Variants in DLGAP1 observed in about 807,000 individuals in gnomAD.
DLGAP1 encodes the protein disks large-associated protein 1.
A neutral mutation model predicts 90.8 loss-of-function variants in DLGAP1; 11 were observed. The ratio of observed to expected loss-of-function variants is 0.12; its 90% confidence interval spans 0.08 to 0.20. The LOEUF (loss-of-function observed/expected upper bound fraction) is 0.20. DLGAP1 is among the 10% of genes least tolerant of loss of function. The pLI is 1.00. For synonymous variants in DLGAP1, 558 were observed against 540.7 expected, an observed-to-expected ratio of 1.03 and a Z score of -0.44; for missense variants, 1,050 against 1,333.8, an observed-to-expected ratio of 0.79 and a Z score of 3.31.
intron 7 of DLGAP1, among the ~76,000 whole-genome samples, chr18:3,683,917 T>G (rs1472983243): frequency 6.6e-6 from 1 of 152,154 alleles, no homozygotes; most frequent in African/African-American, 2.4e-5. Flanking sequence ...AATTTCATCT[T>G]GCTCTTAAGA....
At chr18:3,905,254 C>G (rs2071873178) in intron 3 of DLGAP1, among the ~76,000 whole-genome samples, 1 of 148,308 alleles carries the variant, frequency 6.7e-6, no homozygotes, top group Non-Finnish European at 1.5e-5. Flanking sequence ...GTAGTCCCAG[C>G]TACTCGGGAG....
chr18:3,833,313 A>T (rs984891165), intron 4 of DLGAP1, among the ~76,000 whole-genome samples: 11 of 150,424 alleles, frequency 7.3e-5, no homozygotes, highest in Admixed American at 3.3e-4. Context: ...AGCTCACTGC[A>T]GCCTCGATCT....
intron 7 of DLGAP1, among the ~76,000 whole-genome samples, chr18:3,615,425 C>T (rs2145950848): frequency 6.6e-6 from 1 of 152,232 alleles, no homozygotes; most frequent in East Asian, 1.9e-4. Context: ...TTCAGGACGA[C>T]CTTTTTTGAA....
intron 11 of DLGAP1, among the ~76,000 whole-genome samples, chr18:3,507,572 G>T (rs1182630373): frequency 6.6e-6 from 1 of 152,038 alleles, no homozygotes; most frequent in Non-Finnish European, 1.5e-5. Context: ...CCTGTCAATT[G>T]TTGGGGATAA....
chr18:4,245,707 A>G (rs2145158548), intron 1 of DLGAP1, among the ~76,000 whole-genome samples: 1 of 152,360 alleles, frequency 6.6e-6, no homozygotes, highest in African/African-American at 2.4e-5. Flanking sequence ...CGCTTTGCCA[A>G]GAAGCATTAG....
chr18:4,263,636 A>ATC (rs2079046828), intron 1 of DLGAP1, among the ~76,000 whole-genome samples: 1 of 152,202 alleles, frequency 6.6e-6, no homozygotes, highest in Non-Finnish European at 1.5e-5. Context: ...TCCTCACTTT[A>ATC]TCTTGGTAAT....
intron 1 of DLGAP1, among the ~76,000 whole-genome samples, chr18:4,324,549 G>A (rs2080772430): frequency 6.6e-6 from 1 of 151,862 alleles, no homozygotes; most frequent in South Asian, 2.1e-4. Context: ...CCAAAACCTG[G>A]CAGAGACACA....
chr18:4,137,618 G>C (rs1467781101), intron 2 of DLGAP1, among the ~76,000 whole-genome samples: 1 of 152,032 alleles, frequency 6.6e-6, no homozygotes, highest in Non-Finnish European at 1.5e-5. Flanking sequence ...TGGGTCTTTT[G>C]TGATTTCATA....
intron 1 of DLGAP1, among the ~76,000 whole-genome samples, chr18:4,217,608 G>A (rs1420521369): frequency 5.3e-5 from 8 of 151,230 alleles, no homozygotes; most frequent in Non-Finnish European, 1.2e-4. Context: ...AGACACACAC[G>A]CACATAATAT....
intron 1 of DLGAP1, among the ~76,000 whole-genome samples, chr18:4,267,632 T>C (rs534725282): frequency 6.6e-6 from 1 of 152,290 alleles, no homozygotes; most frequent in East Asian, 1.9e-4. Context: ...ACAACACACA[T>C]TTATTATCTC....
intron 4 of DLGAP1, among the ~76,000 whole-genome samples, chr18:3,839,086 T>C (rs1300090222): frequency 6.6e-6 from 1 of 152,232 alleles, no homozygotes; most frequent in African/African-American, 2.4e-5. Context: ...TATAATTTCT[T>C]GCTTTTGAGA....
chr18:4,138,110 G>A (rs1380265067), intron 2 of DLGAP1, among the ~76,000 whole-genome samples: 2 of 151,844 alleles, frequency 1.3e-5, no homozygotes. Flanking sequence ...TCCTTCTCTT[G>A]TCTGACTGCT....
At chr18:4,178,750 G>A (rs1342856818) in intron 1 of DLGAP1, among the ~76,000 whole-genome samples, 1 of 151,978 alleles carries the variant, frequency 6.6e-6, no homozygotes, top group African/African-American at 2.4e-5. Context: ...AAAATATACA[G>A]AGCTTGATAA....
chr18:4,019,796 T>A (rs764786716), intron 2 of DLGAP1, among the ~76,000 whole-genome samples: 1 of 150,686 alleles, frequency 6.6e-6, no homozygotes, highest in African/African-American at 2.5e-5. Context: ...ACGAGACACA[T>A]AGGCGCGCGC....
intron 2 of DLGAP1, among the ~76,000 whole-genome samples, chr18:4,029,303 T>G (rs1276781449): frequency 6.6e-6 from 1 of 152,230 alleles, no homozygotes. Flanking sequence ...TGAATAGTGC[T>G]GCAATAATCA....
chr18:4,315,662 T>A (rs1023252795), intron 1 of DLGAP1, among the ~76,000 whole-genome samples: 1 of 152,214 alleles, frequency 6.6e-6, no homozygotes, highest in Non-Finnish European at 1.5e-5. Context: ...AATACAGTGT[T>A]TTGCAAACTT....
intron 3 of DLGAP1, among the ~76,000 whole-genome samples, chr18:3,908,965 TTG>T (rs79059740): frequency 0.042 from 6,414 of 152,228 alleles, 187 homozygotes; most frequent in South Asian, 0.058. Flanking sequence ...AAGGTATAGT[TTG>T]TGTTTGGAAA....
At chr18:4,020,945 AC>A (rs1265335141) in intron 2 of DLGAP1, among the ~76,000 whole-genome samples, 1 of 152,070 alleles carries the variant, frequency 6.6e-6, no homozygotes, top group Non-Finnish European at 1.5e-5. Flanking sequence ...AGCTGACACC[AC>A]CCAGACTGGT....
intron 7 of DLGAP1, among the ~76,000 whole-genome samples, chr18:3,726,456 A>T (rs74942351): frequency 2.0e-3 from 194 of 94,732 alleles, no homozygotes; most frequent in South Asian, 8.4e-3. Flanking sequence ...TGTGTGTGTG[A>T]GAGAGAGAGA....
Sources: allele counts gnomAD v4.1 joint callset (sites outside exome capture counted in the v4.1 genomes callset), GRCh38; gene constraint gnomAD v4.1.1; transcripts MANE v1.5; gene names NCBI Gene and HGNC (gene_info 2026-07-23, HGNC 2026-07-21).